ADRA1A: variants seen among roughly 807,000 people sequenced by gnomAD.
ADRA1A encodes adrenoceptor alpha 1A, also known as alpha-1A adrenergic receptor.
ADRA1A carries 31 observed loss-of-function variants against 29.6 expected under a neutral mutation model. The ratio of observed to expected loss-of-function variants is 1.05; its 90% confidence interval spans 0.79 to 1.41. ADRA1A has a LOEUF of 1.41. ADRA1A is among the 40% of genes most tolerant of loss of function. The probability of loss-of-function intolerance (pLI) is 0.00; values close to 1 mark genes in which losing one functional copy is unlikely to be tolerated. For synonymous variants in ADRA1A, 311 were observed against 254.3 expected (o/e 1.22, Z -2.12); for missense variants, 619 against 601.1 (o/e 1.03, Z -0.31).
At chr8:26,832,485 A>G (rs1482934798) in intron 2 of ADRA1A, among the ~76,000 whole-genome samples, 2 of 152,196 alleles carry the variant, frequency 1.3e-5, no homozygotes, top group Non-Finnish European at 2.9e-5. Context: ...CCGTTCAGAG[A>G]AAACTTAATG....
rs1373662945 is a variant in ADRA1A at position 26,787,451 on chromosome 8, C to CTAATAAAG, written c.884-16793_884-16786dup. On this transcript the variant is annotated intron_variant, in intron 2 of 2. Transcript: ENST00000380573. This position sits in a 1 kb window ranked among gnomAD's most constrained non-coding sequence, Gnocchi z 4.2. ...CTGAAAAGACTTTGACAAAATGCAA[C>CTAATAAAG]TAATAAAGTACGCCTAAAAAACAAT... is the stretch of plus-strand genomic sequence containing the variant. Among the ~76,000 whole-genome samples, 2 of 152,034 alleles carry CTAATAAAG rather than the reference C, an allele frequency of 1.3e-5. No individual in the cohort carries two copies. The highest frequency in any genetic ancestry group is 1.5e-5 in the Non-Finnish European group (1 of 67,996).
intron 2 of ADRA1A, among the ~76,000 whole-genome samples, chr8:26,786,198 C>T (rs1273097408): frequency 1.3e-5 from 2 of 152,000 alleles, no homozygotes; most frequent in Non-Finnish European, 2.9e-5. Context: ...TCCCTATCCC[C>T]TGCTCTGGCC....
chr8:26,763,518 C>A (rs1805620980), downstream of ADRA1A, among the ~76,000 whole-genome samples: 2 of 152,148 alleles, frequency 1.3e-5, no homozygotes, highest in African/African-American at 2.4e-5. This position sits in a 1 kb window ranked among gnomAD's most constrained non-coding sequence, Gnocchi z 4.5. Flanking sequence ...TATCCTGATA[C>A]CTGCTTGGAA....
At chr8:26,786,217 C>G (rs1229150166) in intron 2 of ADRA1A, among the ~76,000 whole-genome samples, 1 of 147,626 alleles carries the variant, frequency 6.8e-6, no homozygotes, top group Non-Finnish European at 1.5e-5. Context: ...CCACCCTGAC[C>G]TCTTTTTTAT....
rs1005175014 is a variant in ADRA1A, at chr8:26,831,723, C to T, written c.883+32364G>A. ...AGGACAAGAAGAACATAGTTTCACT[C>T]GCAGGGAATGAAGGACCCTTTTGGG... On this transcript the variant is annotated intron_variant, in intron 2 of 2. Transcript: ENST00000380573. This position sits in a 1 kb window ranked among gnomAD's most constrained non-coding sequence, Gnocchi z 5.2. 2.6e-5 allele frequency among the ~76,000 whole-genome samples: 4 copies of T among 152,232 alleles called. No homozygotes were observed. Among genetic ancestry groups the T allele is most frequent in the Admixed American group, 6.5e-5 (1 of 15,292 alleles).
Position 26,866,958 on chromosome 8 carries a change from C to T in ADRA1A, c.-709G>A, listed in dbSNP as rs1020494479. 2.0e-6 allele frequency: 2 copies of T among 985,180 alleles called. No homozygotes were observed. Among genetic ancestry groups the T allele is most frequent in the African/African-American group, 1.7e-5 (1 of 57,228 alleles). 61.0% of individuals were successfully genotyped at this position (985,180 alleles called of 1,614,324 possible). A position where few individuals can be genotyped will look rare whatever the true frequency, so the allele number is the denominator to read the frequency against. On this transcript the variant is annotated 5_prime_UTR_variant, in exon 1 of 3. The change creates a new upstream start codon in the 5' untranslated region. Transcript: ENST00000380573. The surrounding 1 kb of genome is among the most constrained non-coding windows in gnomAD (Gnocchi z 5.7). ...CACCTGAAGCGCCGCTGCTGAGCCA[C>T]CAGCTCGCGCGCGGGGGATGTGGAC...
At chr8:26,859,581 T>C (rs1454090695) in intron 2 of ADRA1A, among the ~76,000 whole-genome samples, 9 of 152,200 alleles carry the variant, frequency 5.9e-5, no homozygotes, top group South Asian at 2.1e-4. Flanking sequence ...TTTTATTCTG[T>C]GTAGCTGAGA....
downstream of ADRA1A, among the ~76,000 whole-genome samples, chr8:26,755,445 G>C (rs959934243): frequency 3.9e-5 from 6 of 152,094 alleles, 1 homozygote; most frequent in Admixed American, 3.9e-4. Flanking sequence ...GGGCAATGGG[G>C]GTTTGTAGAG....
chr8:26,759,846 T>G (rs1262067199), intron 2 of ADRA1A, among the ~76,000 whole-genome samples: 4 of 152,242 alleles, frequency 2.6e-5, no homozygotes, highest in Non-Finnish European at 5.9e-5. Flanking sequence ...GGATGGCTTT[T>G]GGGCTTGAAA....
At position 26,845,563 on chromosome 8, in the gene ADRA1A, C is replaced by T. The variant is rs113357437; in HGVS notation, c.883+18524G>A. On this transcript the variant is annotated intron_variant, in intron 2 of 2. Coordinates refer to ENST00000380573, the MANE Select transcript of ADRA1A (RefSeq NM_000680.4). The stretch of plus-strand genomic sequence containing the variant: ...GCTAAACGTAGAAGTTCCATATGGC[C>T]GAGCAATTCAACTCCTAGGGGTATA... Among the ~76,000 whole-genome samples, 1,082 of 152,140 alleles carry T rather than the reference C, an allele frequency of 7.1e-3. 12 individuals carry two copies. The highest frequency in any genetic ancestry group is 0.025 in the African/African-American group (1,029 of 41,498).
intron 2 of ADRA1A, among the ~76,000 whole-genome samples, chr8:26,778,814 A>G (rs1052539263): frequency 2.0e-5 from 3 of 148,438 alleles, no homozygotes; most frequent in Non-Finnish European, 3.0e-5. Flanking sequence ...GGAGGGGGGA[A>G]GGATAGCATT....
At chr8:26,839,296 C>A (rs1166755155) in intron 2 of ADRA1A, among the ~76,000 whole-genome samples, 1 of 151,806 alleles carries the variant, frequency 6.6e-6, no homozygotes, top group Non-Finnish European at 1.5e-5. Flanking sequence ...GTAGCTGGGA[C>A]TACAGGCTCC....
intron 2 of ADRA1A, among the ~76,000 whole-genome samples, chr8:26,757,382 C>T (rs528743082): frequency 8.5e-5 from 13 of 152,176 alleles, no homozygotes; most frequent in African/African-American, 3.1e-4. Flanking sequence ...CTGCTGGAGA[C>T]CACTTAAAGG....
intron 2 of ADRA1A, among the ~76,000 whole-genome samples, chr8:26,862,786 G>A (rs1813580753): frequency 6.6e-6 from 1 of 152,210 alleles, no homozygotes; most frequent in African/African-American, 2.4e-5. Flanking sequence ...GTGTGACTAT[G>A]GAGCACTTGA....
chr8:26,812,552 A>G (rs1298419480), intron 2 of ADRA1A, among the ~76,000 whole-genome samples: 1 of 152,132 alleles, frequency 6.6e-6, no homozygotes, highest in Non-Finnish European at 1.5e-5. Flanking sequence ...GATTTTCAGT[A>G]CCAGAAAATC....
intron 2 of ADRA1A, among the ~76,000 whole-genome samples, chr8:26,859,647 A>G (rs535555734): frequency 1.1e-4 from 16 of 152,290 alleles, no homozygotes; most frequent in South Asian, 4.2e-4. Context: ...CTCTTACTCA[A>G]TTGGTGTCAG....
chr8:26,847,380 T>C (rs1812289936), intron 2 of ADRA1A, among the ~76,000 whole-genome samples: 1 of 152,154 alleles, frequency 6.6e-6, no homozygotes, highest in African/African-American at 2.4e-5. Context: ...AAAAGTTTAT[T>C]ATCCTGGGAT....
chr8:26,813,491 T>TCCAC, intron 2 of ADRA1A, among the ~76,000 whole-genome samples: 1 of 129,134 alleles, frequency 7.7e-6, no homozygotes, highest in African/African-American at 3.1e-5. Flanking sequence ...CTTGCATCTA[T>TCCAC]CCATCCATCC....
At chr8:26,858,124 C>T (rs507943) in intron 2 of ADRA1A, among the ~76,000 whole-genome samples, 134,131 of 152,278 alleles carry the variant, frequency 0.88, 59,878 homozygotes, top group Non-Finnish European at 0.95. Context: ...TGTGCTGCCT[C>T]CTGTTCTTTT....
Sources: allele counts gnomAD v4.1 joint callset (sites outside exome capture counted in the v4.1 genomes callset), GRCh38; gene constraint gnomAD v4.1.1; non-coding constraint Gnocchi (gnomAD v3.1); transcripts MANE v1.5; gene names NCBI Gene and HGNC (gene_info 2026-07-23, HGNC 2026-07-21).